USP30: variants seen among roughly 807,000 people sequenced by gnomAD.
USP30 encodes the protein ubiquitin carboxyl-terminal hydrolase 30.
A neutral mutation model predicts 68.2 loss-of-function variants in USP30; 41 were observed. That is an observed-to-expected ratio of 0.60 (90% CI 0.47 to 0.78). The LOEUF (loss-of-function observed/expected upper bound fraction) is 0.78. Among genes scored for constraint, USP30 ranks in the 30% least tolerant of loss-of-function variants. USP30 has a pLI of 0.00. For missense variants in USP30, 522 were observed against 649.4 expected (o/e 0.80, Z 2.13); for synonymous variants, 229 against 253.7 (o/e 0.90, Z 0.93).
intron 3 of USP30, among the ~76,000 whole-genome samples, chr12:109,040,079 T>C (rs1444124210): frequency 6.6e-6 from 1 of 152,206 alleles, no homozygotes; most frequent in African/African-American, 2.4e-5. Flanking sequence ...GTTTTTTTTC[T>C]ACATGTGAAA....
intron 4 of USP30, among the ~76,000 whole-genome samples, chr12:109,069,075 C>G (rs779939553): frequency 2.6e-5 from 4 of 152,342 alleles, no homozygotes; most frequent in African/African-American, 9.6e-5. Context: ...TGGAAAAACA[C>G]TGAGGCTCAG....
chr12:109,026,953 G>C (rs909173600), intron 2 of USP30, among the ~76,000 whole-genome samples: 1 of 152,112 alleles, frequency 6.6e-6, no homozygotes, highest in African/African-American at 2.4e-5. Context: ...TTTCTTATAA[G>C]GGCACTATCT....
At chr12:109,032,346 C>T (rs1204652109) in intron 3 of USP30, among the ~76,000 whole-genome samples, 1 of 152,014 alleles carries the variant, frequency 6.6e-6, no homozygotes, top group Non-Finnish European at 1.5e-5. Flanking sequence ...TTTAAATGTT[C>T]ATAGCATTAT....
intron 7 of USP30, among the ~76,000 whole-genome samples, chr12:109,080,908 G>A (rs1293857727): frequency 6.6e-6 from 1 of 152,200 alleles, no homozygotes; most frequent in Non-Finnish European, 1.5e-5. Context: ...CACCATCTAG[G>A]TTCTTGTAAG....
In USP30 at chr12:109,059,679, A is replaced by G. The variant is rs576722626; in HGVS notation, c.376+1571A>G. Among the ~76,000 whole-genome samples, 3 of 151,834 alleles carry G rather than the reference A, an allele frequency of 2.0e-5. No homozygotes were observed. In the South Asian group the frequency reaches 6.2e-4, roughly 32 times the overall value. ...CAGCTGCATGCCACCACGCCCGGCTAATGTTTGTATTTTTAGTAGAGACAG... is the reference window on the plus strand; with the variant it reads ...CAGCTGCATGCCACCACGCCCGGCTGATGTTTGTATTTTTAGTAGAGACAG... On this transcript the variant is annotated intron_variant, in intron 3 of 12. Transcript: ENST00000257548.
rs765877174 is a variant in USP30, at chr12:109,082,757, A to G, written c.948+14A>G. On this transcript the variant is annotated intron_variant, in intron 10 of 12. Transcript: ENST00000257548. Reference sequence around the variant, plus strand: ...AAACTAGGGAAGGTGAGCCCACACTACACACCCTGTTGGCTTTGTTTTGAG... The same window carrying G: ...AAACTAGGGAAGGTGAGCCCACACTGCACACCCTGTTGGCTTTGTTTTGAG... 1.2e-6 allele frequency: 2 copies of G among 1,613,062 alleles called. No homozygotes were observed. The highest frequency in any genetic ancestry group is 1.7e-4 in the Middle Eastern group (1 of 6,048).
intron 1 of USP30, among the ~76,000 whole-genome samples, chr12:109,023,829 T>TTC (rs1310493288): frequency 3.3e-5 from 5 of 151,318 alleles, no homozygotes; most frequent in Admixed American, 1.3e-4. Context: ...GAGACGGGGT[T>TTC]TCACCATCTT....
At chr12:109,073,125 T>C in intron 6 of USP30, among the ~76,000 whole-genome samples, 1 of 152,254 alleles carries the variant, frequency 6.6e-6, no homozygotes. Context: ...ACTTGTGGTA[T>C]CCTTCTTTTG....
rs1461708662 is a variant in USP30, at chr12:109,067,511, T to A, written c.377-13T>A. 1 of 1,612,122 alleles carries A rather than the reference T, an allele frequency of 6.2e-7. No homozygotes were observed. Among genetic ancestry groups the A allele is most frequent in the Admixed American group, 1.7e-5 (1 of 60,024 alleles). On this transcript the variant is annotated splice_polypyrimidine_tract_variant and intron_variant, in intron 3 of 12. Transcript: ENST00000257548. ...GATGAATTTAATAATTGTCTTACCT[T>A]TTTTGTTTCCAGCCTTGTCCTGCCA...
intron 3 of USP30, among the ~76,000 whole-genome samples, chr12:109,063,362 A>G (rs1304890246): frequency 6.6e-6 from 1 of 152,154 alleles, no homozygotes; most frequent in Non-Finnish European, 1.5e-5. Flanking sequence ...CAGCCTCCCA[A>G]AGTTCTGGGA....
intron 7 of USP30, among the ~76,000 whole-genome samples, chr12:109,079,494 G>A (rs2041734158): frequency 6.7e-6 from 1 of 150,072 alleles, no homozygotes; most frequent in African/African-American, 2.5e-5. Flanking sequence ...CCCCTGAGCA[G>A]CTGGGACTAC....
chr12:109,059,198 TG>T (rs1466654926), intron 3 of USP30, among the ~76,000 whole-genome samples: 2 of 152,302 alleles, frequency 1.3e-5, no homozygotes, highest in Middle Eastern at 3.4e-3. Flanking sequence ...AACTTTTTTT[TG>T]TTTTTGTTTT....
At chr12:109,061,408 A>C (rs1252293214) in intron 3 of USP30, among the ~76,000 whole-genome samples, 1 of 151,384 alleles carries the variant, frequency 6.6e-6, no homozygotes, top group African/African-American at 2.4e-5. Flanking sequence ...AAAAAAAAAA[A>C]AATTTTTTTT....
At chr12:109,083,954 G>C (rs1394193413) in intron 11 of USP30, among the ~76,000 whole-genome samples, 1 of 152,152 alleles carries the variant, frequency 6.6e-6, no homozygotes, top group Non-Finnish European at 1.5e-5. Flanking sequence ...GACAGACTCT[G>C]GTTCAGTCCT....
intron 7 of USP30, among the ~76,000 whole-genome samples, chr12:109,076,189 A>T (rs2041598041): frequency 6.6e-6 from 1 of 152,188 alleles, no homozygotes; most frequent in Admixed American, 6.5e-5. Flanking sequence ...AGTGGAATTT[A>T]AAAAAATTTA....
intron 3 of USP30, among the ~76,000 whole-genome samples, chr12:109,061,175 A>G (rs917214459): frequency 6.6e-6 from 1 of 152,062 alleles, no homozygotes; most frequent in African/African-American, 2.4e-5. Flanking sequence ...TAAAGACAGG[A>G]GTATTCTTGG....
At chr12:109,060,593 C>T (rs2041032369) in intron 3 of USP30, among the ~76,000 whole-genome samples, 1 of 152,120 alleles carries the variant, frequency 6.6e-6, no homozygotes, top group South Asian at 2.1e-4. Flanking sequence ...CGTAAACATG[C>T]TCTTTGAGGC....
intron 4 of USP30, among the ~76,000 whole-genome samples, chr12:109,068,171 G>A (rs998894188): frequency 2.6e-5 from 4 of 152,134 alleles, no homozygotes; most frequent in East Asian, 1.9e-4. Flanking sequence ...CCGCCAGACC[G>A]CTGTTACCAA....
chr12:109,056,830 AC>A, intron 2 of USP30, 39 bp downstream of exon 2: 1 of 1,434,130 alleles, frequency 7.0e-7, no homozygotes, highest in Non-Finnish European at 9.5e-7. Flanking sequence ...TGTAGACTTG[AC>A]CCAGATCCCT....
Sources: allele counts gnomAD v4.1 joint callset (sites outside exome capture counted in the v4.1 genomes callset), GRCh38; gene constraint gnomAD v4.1.1; transcripts MANE v1.5; gene names NCBI Gene and HGNC (gene_info 2026-07-23, HGNC 2026-07-21).